Variants in SKAP1 observed in about 807,000 individuals in gnomAD.
The protein encoded by SKAP1 is src kinase associated phosphoprotein 1, also known as src kinase-associated phosphoprotein 1.
A neutral mutation model predicts 58.5 loss-of-function variants in SKAP1; 44 were observed. That is an observed-to-expected ratio of 0.75 (90% CI 0.59 to 0.97). SKAP1 has a LOEUF of 0.97. Ranked by LOEUF, SKAP1 falls within the 50% of genes least tolerant of loss-of-function variation. The pLI, the probability that SKAP1 is intolerant of heterozygous loss-of-function variation, is 0.00. For synonymous variants in SKAP1, 127 were observed against 149.7 expected (o/e 0.85, Z 1.11); for missense variants, 390 against 435.2 (o/e 0.90, Z 0.92).
intron 1 of SKAP1, among the ~76,000 whole-genome samples, chr17:48,405,409 C>CTT (rs1229694922): frequency 1.5e-5 from 1 of 68,046 alleles, no homozygotes; most frequent in Non-Finnish European, 3.0e-5. Flanking sequence ...TTCTTTCTTT[C>CTT]TTTCTTTCTT....
chr17:48,329,662 G>T (rs552805288), intron 4 of SKAP1, among the ~76,000 whole-genome samples: 1 of 152,108 alleles, frequency 6.6e-6, no homozygotes, highest in African/African-American at 2.4e-5. Flanking sequence ...AGCCGAGATC[G>T]GGCCATTGCA....
intron 2 of SKAP1, among the ~76,000 whole-genome samples, chr17:48,364,817 A>G (rs530186108): frequency 6.6e-6 from 1 of 152,324 alleles, no homozygotes; most frequent in Non-Finnish European, 1.5e-5. Context: ...AGTTCATTGT[A>G]CCATCCTATC....
intron 11 of SKAP1, among the ~76,000 whole-genome samples, chr17:48,138,650 G>A (rs901418960): frequency 1.8e-4 from 27 of 151,964 alleles, no homozygotes; most frequent in African/African-American, 5.8e-4. Context: ...GATTACAAGC[G>A]TGAGCCACTG....
chr17:48,406,282 A>G (rs1468238601), intron 1 of SKAP1, among the ~76,000 whole-genome samples: 2 of 151,920 alleles, frequency 1.3e-5, no homozygotes, highest in Non-Finnish European at 2.9e-5. Context: ...AAACAAACAA[A>G]AAAACAACAA....
At chr17:48,208,206 G>T (rs1284560761) in intron 4 of SKAP1, among the ~76,000 whole-genome samples, 2 of 152,166 alleles carry the variant, frequency 1.3e-5, no homozygotes. Flanking sequence ...GCAATATGAA[G>T]ATATATGGGC....
chr17:48,397,105 G>T, intron 1 of SKAP1: 1 of 432,300 alleles, frequency 2.3e-6, no homozygotes, highest in Non-Finnish European at 3.1e-6. Flanking sequence ...CCAAGACCTT[G>T]CTATGAATTT....
chr17:48,197,882 C>T (rs2064660914), intron 4 of SKAP1, among the ~76,000 whole-genome samples: 1 of 152,156 alleles, frequency 6.6e-6, no homozygotes, highest in Non-Finnish European at 1.5e-5. Flanking sequence ...GACCTGTGGT[C>T]TTGCAAGATG....
chr17:48,238,179 A>G (rs2065202969), intron 4 of SKAP1, among the ~76,000 whole-genome samples: 1 of 151,946 alleles, frequency 6.6e-6, no homozygotes, highest in African/African-American at 2.4e-5. Context: ...TTTTTAGTAG[A>G]GACATGGTTT....
the SKAP1 span, among the ~76,000 whole-genome samples, chr17:48,437,732 ACT>A: frequency 9.4e-6 from 1 of 106,022 alleles, no homozygotes; most frequent in South Asian, 3.6e-4. Flanking sequence ...ACAGAGCAAG[ACT>A]CTGTCTCAAA....
intron 8 of SKAP1, among the ~76,000 whole-genome samples, chr17:48,182,089 G>A (rs2064376965): frequency 6.6e-6 from 1 of 152,016 alleles, no homozygotes; most frequent in South Asian, 2.1e-4. Context: ...AAGGGGTTAG[G>A]AGACACCGAA....
chr17:48,213,610 C>G (rs551068905), intron 4 of SKAP1, among the ~76,000 whole-genome samples: 3 of 152,268 alleles, frequency 2.0e-5, no homozygotes, highest in African/African-American at 7.2e-5. Flanking sequence ...GTTTAGGGCT[C>G]TCCGTCTTCT....
intron 4 of SKAP1, among the ~76,000 whole-genome samples, chr17:48,299,664 G>T (rs756715679): frequency 1.3e-5 from 2 of 152,176 alleles, no homozygotes; most frequent in Non-Finnish European, 2.9e-5. Flanking sequence ...AATATGTGCT[G>T]ACAGCCCACA....
intron 4 of SKAP1, among the ~76,000 whole-genome samples, chr17:48,207,393 C>T (rs1273111420): frequency 6.8e-6 from 1 of 146,318 alleles, no homozygotes; most frequent in African/African-American, 2.5e-5. Flanking sequence ...GGCTGAGGCA[C>T]AAGAATTGCT....
chr17:48,270,323 T>C (rs774688272), intron 4 of SKAP1, among the ~76,000 whole-genome samples: 1 of 152,010 alleles, frequency 6.6e-6, no homozygotes, highest in Non-Finnish European at 1.5e-5. Flanking sequence ...TCTTTAAAAA[T>C]TTTTTAAATT....
chr17:48,385,619 A>ATCTT (rs1160499208), intron 2 of SKAP1, among the ~76,000 whole-genome samples: 1 of 152,170 alleles, frequency 6.6e-6, no homozygotes, highest in African/African-American at 2.4e-5. Flanking sequence ...TTAAAAGGGG[A>ATCTT]GAGGTCTGAA....
chr17:48,219,115 C>A (rs899280931), intron 4 of SKAP1, among the ~76,000 whole-genome samples: 4 of 152,066 alleles, frequency 2.6e-5, no homozygotes, highest in African/African-American at 9.7e-5. Context: ...ATTTTTTGAA[C>A]AAAACACACA....
intron 4 of SKAP1, among the ~76,000 whole-genome samples, chr17:48,217,853 A>G (rs1464492493): frequency 6.6e-6 from 1 of 152,218 alleles, no homozygotes; most frequent in Non-Finnish European, 1.5e-5. Context: ...AAGCTATTGG[A>G]AATAAATTAA....
chr17:48,370,639 T>C (rs2067072350), intron 2 of SKAP1, among the ~76,000 whole-genome samples: 1 of 152,074 alleles, frequency 6.6e-6, no homozygotes, highest in Admixed American at 6.5e-5. Context: ...CAGGTGCTGG[T>C]GAGGCTGTGG....
At chr17:48,300,584 CAA>C (rs997160232) in intron 4 of SKAP1, among the ~76,000 whole-genome samples, 3 of 152,060 alleles carry the variant, frequency 2.0e-5, no homozygotes, top group African/African-American at 7.2e-5. Context: ...CATATTATAC[CAA>C]GAGAGAGTGA....
Sources: gnomAD v4.1 joint callset for allele counts (sites outside exome capture counted in the v4.1 genomes callset) on GRCh38, gnomAD v4.1.1 for gene constraint, MANE v1.5 for transcripts, NCBI Gene and HGNC (gene_info 2026-07-23, HGNC 2026-07-21) for gene names.